Variants in FHL2 observed in about 807,000 individuals in gnomAD.
FHL2 encodes the protein four and a half LIM domains 2, also known as four and a half LIM domains protein 2.
In FHL2, 20 loss-of-function variants were observed where a neutral mutation model predicts 32.7. The ratio of observed to expected loss-of-function variants is 0.61; its 90% CI spans 0.43 to 0.89. FHL2 has a LOEUF of 0.89. Among genes scored for constraint, FHL2 ranks in the 40% least tolerant of loss-of-function variants. The pLI is 0.00. For missense variants in FHL2, 311 were observed against 358.6 expected (o/e 0.87, Z 1.07); for synonymous variants, 123 against 128.1 (o/e 0.96, Z 0.27).
chr2:105,419,365 C>T (rs1208709028), intron 1 of FHL2, among the ~76,000 whole-genome samples: 2 of 152,292 alleles, frequency 1.3e-5, no homozygotes, highest in Non-Finnish European at 1.5e-5. Flanking sequence ...CCCTTCCCAC[C>T]CTTTCTCCAA....
At position 105,384,735 on chromosome 2, in the gene FHL2, C is replaced by T. The variant is rs373584085; in HGVS notation, c.156+1626G>A. Reference sequence around the variant, plus strand: ...GTTGGCCAGGCTGGTCTCGAACTCCCGGCCTCAATTGATTCACCCGCCTTG... The same window carrying T: ...GTTGGCCAGGCTGGTCTCGAACTCCTGGCCTCAATTGATTCACCCGCCTTG... On this transcript the variant is annotated intron_variant, in intron 3 of 6. Coordinates refer to ENST00000530340, the MANE Select transcript of FHL2 (RefSeq NM_001318895.3). 5.9e-5 allele frequency among the ~76,000 whole-genome samples: 9 copies of T among 152,316 alleles called. No homozygotes were observed. In the South Asian group the frequency reaches 6.2e-4, roughly 11 times the overall value.
At chr2:105,423,744 T>C (rs754286665) in intron 1 of FHL2, among the ~76,000 whole-genome samples, 6 of 152,154 alleles carry the variant, frequency 3.9e-5, no homozygotes, top group Non-Finnish European at 8.8e-5. Flanking sequence ...CATCTGATCT[T>C]TGACAAACCT....
chr2:105,358,473 T>C (rs1436768627), downstream of FHL2: 1 of 152,476 alleles, frequency 6.6e-6, no homozygotes, highest in Non-Finnish European at 1.5e-5. Flanking sequence ...CCTAGACTGG[T>C]AGCTGGAGGA....
At chr2:105,434,606 A>T (rs1380831254) in intron 1 of FHL2, among the ~76,000 whole-genome samples, 3 of 151,990 alleles carry the variant, frequency 2.0e-5, no homozygotes, top group Non-Finnish European at 2.9e-5. Context: ...AAAACAAGAC[A>T]TTATCTTTAA....
intron 2 of FHL2, among the ~76,000 whole-genome samples, chr2:105,396,084 G>A (rs142292029): frequency 1.3e-5 from 2 of 152,296 alleles, no homozygotes; most frequent in African/African-American, 4.8e-5. Flanking sequence ...TTGGTGGGGA[G>A]ACTTTTTAAA....
intron 4 of FHL2, among the ~76,000 whole-genome samples, chr2:105,372,078 C>T (rs1370821164): frequency 6.6e-6 from 1 of 152,194 alleles, no homozygotes; most frequent in Non-Finnish European, 1.5e-5. Flanking sequence ...ACTGTGTCAG[C>T]CTGGGCATTT....
chr2:105,378,679 C>G (rs921556681), intron 3 of FHL2: 1 of 155,092 alleles, frequency 6.4e-6, no homozygotes, highest in Non-Finnish European at 1.4e-5. Context: ...CTCAGCCTAC[C>G]TTTATGACTG....
In FHL2 at chr2:105,386,021, G is replaced by A. The variant is rs542433637; in HGVS notation, c.156+340C>T. ...CCTGCTCCACGTTACTCACCACGGGGCAAACAGACAAGAGGAAGAGAGCAC... is the reference window on the plus strand; with the variant it reads ...CCTGCTCCACGTTACTCACCACGGGACAAACAGACAAGAGGAAGAGAGCAC... On this transcript the variant is annotated intron_variant, in intron 3 of 6. Transcript: ENST00000530340. 1.7e-5 allele frequency: 7 copies of A among 407,874 alleles called. No individual in the cohort carries two copies. In the Admixed American group the frequency reaches 2.9e-4, roughly 17 times the overall value. The allele number at this position is 407,874 out of a possible 1,614,324, so 25.3% of individuals were successfully genotyped here. A position where few individuals can be genotyped will look rare whatever the true frequency, so the allele number is the denominator to read the frequency against.
intron 1 of FHL2, among the ~76,000 whole-genome samples, chr2:105,398,570 G>A (rs1683304039): frequency 6.6e-6 from 1 of 152,152 alleles, no homozygotes; most frequent in African/African-American, 2.4e-5. Flanking sequence ...CCCGCATGGC[G>A]GTGCCCCACC....
chr2:105,362,989 A>T (rs903405331), intron 6 of FHL2: 1 of 347,160 alleles, frequency 2.9e-6, no homozygotes. Context: ...TGCTTTTGTG[A>T]TGTCACAGGC....
upstream of FHL2, among the ~76,000 whole-genome samples, chr2:105,402,003 A>T (rs757281133): frequency 6.6e-6 from 1 of 150,798 alleles, no homozygotes; most frequent in Non-Finnish European, 1.5e-5. Flanking sequence ...ATATACACGA[A>T]TATATACATA....
At chr2:105,409,033 G>T (rs1271725974) in intron 1 of FHL2, among the ~76,000 whole-genome samples, 4 of 152,162 alleles carry the variant, frequency 2.6e-5, no homozygotes, top group Non-Finnish European at 4.4e-5. Flanking sequence ...GGAGGTGGGG[G>T]TAGGAATGGC....
intron 2 of FHL2, among the ~76,000 whole-genome samples, chr2:105,393,141 T>C (rs1452101828): frequency 1.3e-5 from 2 of 151,934 alleles, no homozygotes; most frequent in Non-Finnish European, 2.9e-5. Context: ...GCAAAAGAAG[T>C]CTATTTAAGC....
chr2:105,401,836 G>A (rs1383056910), upstream of FHL2, among the ~76,000 whole-genome samples: 2 of 152,040 alleles, frequency 1.3e-5, no homozygotes, highest in African/African-American at 2.4e-5. Context: ...AAGAAAGGAC[G>A]GGGGAAGACA....
chr2:105,402,211 GTA>G (rs1162021773), upstream of FHL2, among the ~76,000 whole-genome samples: 3 of 147,960 alleles, frequency 2.0e-5, no homozygotes, highest in Admixed American at 6.8e-5. Flanking sequence ...GTGTATATAT[GTA>G]TATATATGTG....
intron 6 of FHL2, 163 bp downstream of exon 6, chr2:105,363,122 G>T: frequency 1.6e-6 from 1 of 636,012 alleles, no homozygotes; most frequent in Non-Finnish European, 2.8e-6. Flanking sequence ...AGCATAGCCA[G>T]TGCACCAAGG....
At chr2:105,359,895 G>A (rs2104473387), downstream of FHL2, 1 of 152,304 alleles carries the variant, frequency 6.6e-6, no homozygotes, top group Admixed American at 6.5e-5. Flanking sequence ...CCATAACACT[G>A]GGACAGAGCC....
At chr2:105,362,553 T>G (rs1444567386) in intron 6 of FHL2, among the ~76,000 whole-genome samples, 1 of 152,184 alleles carries the variant, frequency 6.6e-6, no homozygotes, top group Non-Finnish European at 1.5e-5. Context: ...AACGAACCAG[T>G]CAACTGAATG....
At chr2:105,372,319 G>A (rs1681138218) in intron 4 of FHL2, among the ~76,000 whole-genome samples, 1 of 152,004 alleles carries the variant, frequency 6.6e-6, no homozygotes, top group African/African-American at 2.4e-5. Context: ...TCCATCTCCT[G>A]GGTTCAGGCC....
Sources: gnomAD v4.1 joint callset for allele counts (sites outside exome capture counted in the v4.1 genomes callset) on GRCh38, gnomAD v4.1.1 for gene constraint, MANE v1.5 for transcripts, NCBI Gene and HGNC (gene_info 2026-07-23, HGNC 2026-07-21) for gene names.